The following EBF1 variants were observed in gnomAD, a reference collection of about 807,000 sequenced individuals.
The protein encoded by EBF1 is EBF transcription factor 1.
A neutral mutation model predicts 68.4 loss-of-function variants in EBF1; 10 were observed. The ratio of observed to expected loss-of-function variants is 0.15; its 90% CI spans 0.09 to 0.25. The LOEUF (loss-of-function observed/expected upper bound fraction) is 0.25. EBF1 is among the 10% of genes least tolerant of loss of function. The pLI, the probability that EBF1 is intolerant of heterozygous loss-of-function variation, is 1.00. For missense variants in EBF1, 509 were observed against 794.4 expected, an observed-to-expected ratio of 0.64 and a Z score of 4.32; for synonymous variants, 298 against 299.8, an observed-to-expected ratio of 0.99 and a Z score of 0.06.
At chr5:158,753,151 C>G (rs1022038346) in intron 10 of EBF1, among the ~76,000 whole-genome samples, 4 of 151,942 alleles carry the variant, frequency 2.6e-5, no homozygotes, top group African/African-American at 9.7e-5. Context: ...TTTAAGCAAT[C>G]TAACAGGATA....
At chr5:158,908,159 C>A (rs1166935124) in intron 6 of EBF1, among the ~76,000 whole-genome samples, 2 of 152,146 alleles carry the variant, frequency 1.3e-5, no homozygotes, top group African/African-American at 4.8e-5. Flanking sequence ...ACTATATCCT[C>A]ATCTTTACTT....
intron 6 of EBF1, among the ~76,000 whole-genome samples, chr5:159,010,475 C>G (rs957511502): frequency 6.6e-6 from 1 of 151,362 alleles, no homozygotes; most frequent in African/African-American, 2.4e-5. Context: ...TTTAAAACCC[C>G]GGAAAATACT....
At chr5:159,011,139 T>C (rs1190018069) in intron 6 of EBF1, among the ~76,000 whole-genome samples, 1 of 152,214 alleles carries the variant, frequency 6.6e-6, no homozygotes, top group Non-Finnish European at 1.5e-5. Flanking sequence ...TTATTTCACA[T>C]CTCAAGCACA....
chr5:158,983,520 A>G (rs1359321011), intron 6 of EBF1: 1 of 152,224 alleles, frequency 6.6e-6, no homozygotes, highest in Non-Finnish European at 1.5e-5. Flanking sequence ...ATTAAGCAAT[A>G]AGCTCAAAGA....
At chr5:159,023,563 T>C (rs1767142365) in intron 6 of EBF1, among the ~76,000 whole-genome samples, 1 of 152,188 alleles carries the variant, frequency 6.6e-6, no homozygotes, top group Admixed American at 6.5e-5. Flanking sequence ...GCACCCTTCC[T>C]CCACCATAGT....
At chr5:158,790,366 A>G (rs1200227933) in intron 9 of EBF1, among the ~76,000 whole-genome samples, 1 of 152,214 alleles carries the variant, frequency 6.6e-6, no homozygotes, top group African/African-American at 2.4e-5. Flanking sequence ...TTCTGCAAAT[A>G]TTTAAGATGG....
chr5:158,924,584 G>A (rs1809178907), intron 6 of EBF1, among the ~76,000 whole-genome samples: 1 of 152,102 alleles, frequency 6.6e-6, no homozygotes, highest in Admixed American at 6.5e-5. Context: ...CGGGTGCGGT[G>A]GTTCACGCCT....
chr5:158,826,170 A>G (rs1786061019), intron 7 of EBF1, among the ~76,000 whole-genome samples: 1 of 152,214 alleles, frequency 6.6e-6, no homozygotes, highest in Non-Finnish European at 1.5e-5. Context: ...GGACACAACA[A>G]CACTTTCCTT....
chr5:158,757,625 G>A (rs1770418985), intron 10 of EBF1, among the ~76,000 whole-genome samples: 1 of 152,156 alleles, frequency 6.6e-6, no homozygotes, highest in Non-Finnish European at 1.5e-5. Context: ...CCTGGACTCT[G>A]AAGCCAGTCT....
chr5:159,047,397 A>C (rs1772635425), intron 6 of EBF1, among the ~76,000 whole-genome samples: 1 of 152,190 alleles, frequency 6.6e-6, no homozygotes, highest in African/African-American at 2.4e-5. Flanking sequence ...TAAGGAGAGA[A>C]GGGTCTCTAG....
chr5:159,092,715 G>A (rs920265770), intron 4 of EBF1, among the ~76,000 whole-genome samples: 4 of 152,184 alleles, frequency 2.6e-5, no homozygotes, highest in Non-Finnish European at 5.9e-5. Context: ...CTCACATAAA[G>A]CTGCATCTCT....
At chr5:158,999,405 A>T (rs1762085105) in intron 6 of EBF1, among the ~76,000 whole-genome samples, 1 of 152,248 alleles carries the variant, frequency 6.6e-6, no homozygotes, top group Non-Finnish European at 1.5e-5. Flanking sequence ...CCTTACATCC[A>T]GTTAAAGGAT....
At chr5:158,741,384 G>T (rs572204566) in intron 10 of EBF1, among the ~76,000 whole-genome samples, 1 of 152,104 alleles carries the variant, frequency 6.6e-6, no homozygotes, top group African/African-American at 2.4e-5. Context: ...AAACCAGCCT[G>T]GTCAATATAG....
intron 6 of EBF1, among the ~76,000 whole-genome samples, chr5:158,915,579 G>T (rs1308983159): frequency 6.6e-6 from 1 of 152,078 alleles, no homozygotes; most frequent in Non-Finnish European, 1.5e-5. Context: ...ATCGGGGTGG[G>T]GGGAATTCCG....
In EBF1 at chr5:158,715,941, G is replaced by A. The variant is rs375424456; in HGVS notation, c.1126-1759C>T. On this transcript the variant is annotated intron_variant, in intron 11 of 15. Transcript: ENST00000313708. Reference sequence around the variant, plus strand: ...TTTATTTCTCCAAATAAATATTTATGCCAGTGTTGGGGCTTGGCAGGGAAC... The same window carrying A: ...TTTATTTCTCCAAATAAATATTTATACCAGTGTTGGGGCTTGGCAGGGAAC... Among the ~76,000 whole-genome samples the A allele has an allele frequency of 3.9e-5, 6 of 152,262 alleles. No homozygotes were observed. In the South Asian group the frequency reaches 1.2e-3, roughly 32 times the overall value.
At position 158,775,298 on chromosome 5, in the gene EBF1, A is replaced by AT. The variant is rs199730272; in HGVS notation, c.1036+2114dup. Among the ~76,000 whole-genome samples, 339 of 151,010 alleles carry AT rather than the reference A, an allele frequency of 2.2e-3. 4 individuals carry two copies. The highest frequency in any genetic ancestry group is 7.9e-3 in the African/African-American group (324 of 41,134). On this transcript the variant is annotated intron_variant, in intron 10 of 15. Coordinates refer to ENST00000313708, the MANE Select transcript of EBF1 (RefSeq NM_024007.5). Reference sequence around the variant, plus strand: ...GAACTTAAGTAATTTAATGAGGGTGATTTTTTTTTCTAACTTTTATGGCCA... The same window carrying AT: ...GAACTTAAGTAATTTAATGAGGGTGATTTTTTTTTTCTAACTTTTATGGCCA...
chr5:158,906,934 G>A (rs1804776422), intron 6 of EBF1, among the ~76,000 whole-genome samples: 1 of 152,220 alleles, frequency 6.6e-6, no homozygotes, highest in South Asian at 2.1e-4. Flanking sequence ...TAGAAGTTGA[G>A]TTCACTTTTG....
chr5:159,014,535 G>A (rs1206697280), intron 6 of EBF1, among the ~76,000 whole-genome samples: 2 of 152,178 alleles, frequency 1.3e-5, no homozygotes, highest in Non-Finnish European at 2.9e-5. Context: ...TCATTTTATA[G>A]ATGAAAAAGC....
At chr5:158,955,327 A>G (rs1227720555) in intron 6 of EBF1, among the ~76,000 whole-genome samples, 1 of 152,134 alleles carries the variant, frequency 6.6e-6, no homozygotes, top group African/African-American at 2.4e-5. Context: ...CCATCTAAAA[A>G]AAAAAGAGAG....
Sources: gnomAD v4.1 joint callset for allele counts (sites outside exome capture counted in the v4.1 genomes callset) on GRCh38, gnomAD v4.1.1 for gene constraint, MANE v1.5 for transcripts, NCBI Gene and HGNC (gene_info 2026-07-23, HGNC 2026-07-21) for gene names.